ADAMTSL1: variants seen among roughly 807,000 people sequenced by gnomAD.
The protein encoded by ADAMTSL1 is ADAMTS like 1, also known as ADAMTS-like protein 1.
In ADAMTSL1, 126 loss-of-function variants were observed where a neutral mutation model predicts 201.8. The ratio of observed to expected loss-of-function variants is 0.62; its 90% CI spans 0.54 to 0.72. The LOEUF is 0.72. ADAMTSL1 is among the 30% of genes least tolerant of loss of function. The probability of loss-of-function intolerance (pLI) is 0.00; values close to 1 mark genes in which losing one functional copy is unlikely to be tolerated. For missense variants in ADAMTSL1, 2,679 were observed against 2,277.8 expected, an observed-to-expected ratio of 1.18 and a Z score of -3.59; for synonymous variants, 1,121 against 903.4, an observed-to-expected ratio of 1.24 and a Z score of -4.32.
intron 1 of ADAMTSL1, among the ~76,000 whole-genome samples, chr9:18,023,133 T>G (rs564960144): frequency 9.0e-5 from 12 of 132,922 alleles, no homozygotes; most frequent in African/African-American, 3.2e-4. Context: ...TAGTTCAGAA[T>G]TATTTACTAT....
chr9:18,797,729 A>T (rs375014395), intron 20 of ADAMTSL1, among the ~76,000 whole-genome samples: 22 of 152,282 alleles, frequency 1.4e-4, no homozygotes, highest in African/African-American at 5.1e-4. Context: ...CATCTGTAAA[A>T]ATTTAACTAA....
chr9:18,333,944 A>G (rs917960748), intron 2 of ADAMTSL1, among the ~76,000 whole-genome samples: 8 of 152,108 alleles, frequency 5.3e-5, no homozygotes, highest in African/African-American at 1.2e-4. Context: ...CTTCCATTAG[A>G]GGCCCCAATT....
intron 16 of ADAMTSL1, among the ~76,000 whole-genome samples, chr9:18,760,152 A>C (rs1334885205): frequency 6.6e-6 from 1 of 152,188 alleles, no homozygotes; most frequent in Non-Finnish European, 1.5e-5. Flanking sequence ...TGACACCACC[A>C]TCTGTCCTGC....
At chr9:18,239,645 G>A (rs1232437985) in intron 2 of ADAMTSL1, among the ~76,000 whole-genome samples, 2 of 152,130 alleles carry the variant, frequency 1.3e-5, no homozygotes, top group Non-Finnish European at 2.9e-5. Context: ...CTACTCGGGA[G>A]GCTGAGGCAT....
intron 2 of ADAMTSL1, among the ~76,000 whole-genome samples, chr9:18,210,216 C>T (rs1156298476): frequency 1.3e-5 from 2 of 151,312 alleles, no homozygotes; most frequent in Non-Finnish European, 2.9e-5. Context: ...CTTTCTCTTT[C>T]CCTCCAAATA....
At chr9:18,181,131 C>T (rs200864704) in intron 2 of ADAMTSL1, among the ~76,000 whole-genome samples, 1 of 152,038 alleles carries the variant, frequency 6.6e-6, no homozygotes, top group African/African-American at 2.4e-5. Flanking sequence ...ATACAAAAAT[C>T]AATTCAAGAT....
intron 15 of ADAMTSL1, among the ~76,000 whole-genome samples, chr9:18,739,178 A>T (rs1368832659): frequency 1.3e-5 from 2 of 152,194 alleles, no homozygotes; most frequent in African/African-American, 4.8e-5. Context: ...AGCACCCAAT[A>T]ACTACTGGAA....
chr9:18,164,981 G>C (rs1271030235), intron 2 of ADAMTSL1, among the ~76,000 whole-genome samples: 1 of 151,812 alleles, frequency 6.6e-6, no homozygotes, highest in Non-Finnish European at 1.5e-5. Context: ...CCCAGTGTGA[G>C]CAAGAATGGT....
chr9:18,668,814 A>G (rs190216720), intron 9 of ADAMTSL1, among the ~76,000 whole-genome samples: 126 of 152,320 alleles, frequency 8.3e-4, no homozygotes, highest in African/African-American at 3.0e-3. Flanking sequence ...AGGTGCCTTC[A>G]CATCCATTAT....
At chr9:18,634,312 C>T (rs1404931114) in intron 5 of ADAMTSL1, among the ~76,000 whole-genome samples, 1 of 152,068 alleles carries the variant, frequency 6.6e-6, no homozygotes, top group Non-Finnish European at 1.5e-5. Context: ...CCATGCAATC[C>T]CAGCACTTTG....
chr9:18,887,305 C>G (rs1403143123), intron 23 of ADAMTSL1, among the ~76,000 whole-genome samples: 1 of 152,110 alleles, frequency 6.6e-6, no homozygotes, highest in African/African-American at 2.4e-5. Flanking sequence ...GAAGACAAAG[C>G]CTTATGCAGA....
intron 1 of ADAMTSL1, among the ~76,000 whole-genome samples, chr9:17,963,064 T>C (rs1191040118): frequency 1.3e-5 from 2 of 152,226 alleles, no homozygotes; most frequent in Non-Finnish European, 2.9e-5. Flanking sequence ...GATAAGTAAA[T>C]GAGATTTAGA....
At chr9:18,744,686 G>C (rs538574922) in intron 15 of ADAMTSL1, among the ~76,000 whole-genome samples, 1 of 152,192 alleles carries the variant, frequency 6.6e-6, no homozygotes, top group Non-Finnish European at 1.5e-5. Flanking sequence ...TTAAATATGA[G>C]TGAATTGTTA....
chr9:18,623,789 T>C (rs1826184834), intron 5 of ADAMTSL1, among the ~76,000 whole-genome samples: 1 of 152,250 alleles, frequency 6.6e-6, no homozygotes, highest in East Asian at 1.9e-4. Flanking sequence ...TTTGCTACTA[T>C]GCAGAATCCT....
intron 1 of ADAMTSL1, among the ~76,000 whole-genome samples, chr9:17,964,765 C>T (rs578252674): frequency 4.6e-4 from 70 of 152,266 alleles, no homozygotes; most frequent in African/African-American, 1.7e-3. Context: ...CATGTGAATC[C>T]ACAGTGATCT....
At chr9:18,605,998 C>T (rs1465008013) in intron 4 of ADAMTSL1, among the ~76,000 whole-genome samples, 1 of 152,128 alleles carries the variant, frequency 6.6e-6, no homozygotes, top group East Asian at 1.9e-4. Context: ...TCTGACACTG[C>T]GTGGTACAAA....
intron 3 of ADAMTSL1, among the ~76,000 whole-genome samples, chr9:18,570,737 T>G (rs905021292): frequency 2.5e-4 from 38 of 152,232 alleles, no homozygotes; most frequent in Non-Finnish European, 7.3e-5. Context: ...TTTCCAACTC[T>G]GAACTCCAGG....
intron 24 of ADAMTSL1, among the ~76,000 whole-genome samples, chr9:18,888,502 C>T (rs1829043500): frequency 6.6e-6 from 1 of 152,168 alleles, no homozygotes; most frequent in East Asian, 1.9e-4. Flanking sequence ...TGAGGGCTTT[C>T]CAGGCACCTT....
At position 18,637,318 on chromosome 9, in the gene ADAMTSL1, CACTAACTCTCCACTCA is replaced by C. The variant is rs1459311782; in HGVS notation, c.676+1319_676+1334del. Among the ~76,000 whole-genome samples, 7 of 152,094 alleles carry C rather than the reference CACTAACTCTCCACTCA, an allele frequency of 4.6e-5. No homozygotes were observed. The East Asian group carries it at 9.7e-4, about 21-fold the overall frequency. On this transcript the variant is annotated intron_variant, in intron 6 of 28. Coordinates refer to ENST00000380548, the MANE Select transcript of ADAMTSL1 (RefSeq NM_001040272.6). ...TGAGAACTGGAGAGGGCTAACTGTC[CACTAACTCTCCACTCA>C]ACTAACTCTCCACTCAAAAATAGTA...
Sources: allele counts gnomAD v4.1 joint callset (sites outside exome capture counted in the v4.1 genomes callset), GRCh38; gene constraint gnomAD v4.1.1; transcripts MANE v1.5; gene names NCBI Gene and HGNC (gene_info 2026-07-23, HGNC 2026-07-21).